HTT: variants seen among roughly 807,000 people sequenced by gnomAD.
The protein encoded by HTT is huntingtin.
Under a neutral mutation model 362.3 loss-of-function variants are expected in HTT, and 104 were observed. That is an observed-to-expected ratio of 0.29 (90% CI 0.24 to 0.34). HTT has a LOEUF of 0.34. HTT is among the 10% of genes least tolerant of loss of function. The probability of loss-of-function intolerance (pLI) is 1.00; values close to 1 mark genes in which losing one functional copy is unlikely to be tolerated. For synonymous variants in HTT, 1,577 were observed against 1,548.7 expected, an observed-to-expected ratio of 1.02 and a Z score of -0.43; for missense variants, 3,301 against 3,928.6, an observed-to-expected ratio of 0.84 and a Z score of 4.27.
intron 2 of HTT, among the ~76,000 whole-genome samples, chr4:3,088,275 C>T (rs1713317019): frequency 6.6e-6 from 1 of 151,800 alleles, no homozygotes; most frequent in Non-Finnish European, 1.5e-5. Context: ...CAAGCTCTGC[C>T]TCCCAGGTTC....
At chr4:3,175,260 A>G (rs918961421) in intron 33 of HTT, among the ~76,000 whole-genome samples, 153 bp downstream of exon 33, 1 of 152,192 alleles carries the variant, frequency 6.6e-6, no homozygotes, top group Non-Finnish European at 1.5e-5. Context: ...TAGCTGGTGC[A>G]GAAGGCCTGG....
At position 3,186,705 on chromosome 4, in the gene HTT, A is replaced by T; in HGVS notation, c.4975A>T (p.Thr1659Ser). The T allele has an allele frequency of 1.2e-6, 2 of 1,613,598 alleles. No individual in the cohort carries two copies. Among genetic ancestry groups the T allele is most frequent in the Non-Finnish European group, 1.7e-6 (2 of 1,179,718 alleles). ...VDMLLRSMFV[T>S]PNTMASVSTV... is the part of the protein sequence containing the mutation. ...CATGCTTTTACGGAGTATGTTCGTC[A>T]CTCCAAACACAATGGTGAGTCTCTC... Residue 1659 changes from threonine (T) to serine (S), a missense_variant, in exon 38 of 67, where the codon ACT becomes TCT. By Grantham distance (58) the Thr-to-Ser change is moderately conservative. Coordinates refer to ENST00000355072, the MANE Select transcript of HTT (RefSeq NM_001388492.1).
intron 64 of HTT, among the ~76,000 whole-genome samples, chr4:3,237,354 G>A (rs1721587894): frequency 6.6e-6 from 1 of 152,188 alleles, no homozygotes; most frequent in Admixed American, 6.5e-5. Context: ...GATTGCAGGC[G>A]TGAGCCACTG....
chr4:3,194,905 G>A (rs1392227443), intron 40 of HTT, among the ~76,000 whole-genome samples: 1 of 152,192 alleles, frequency 6.6e-6, no homozygotes, highest in East Asian at 1.9e-4. Context: ...GGGAGCAATG[G>A]AATTTTCTCA....
At chr4:3,082,247 T>G (rs938984855) in intron 1 of HTT, among the ~76,000 whole-genome samples, 3 of 152,236 alleles carry the variant, frequency 2.0e-5, no homozygotes, top group Non-Finnish European at 4.4e-5. Context: ...GGCAAAGGTC[T>G]CACATTTTTG....
At chr4:3,172,218 C>T (rs1170598365) in intron 29 of HTT, 102 bp from the exon 30 acceptor site, 1 of 770,730 alleles carries the variant, frequency 1.3e-6, no homozygotes, top group East Asian at 2.5e-5. Flanking sequence ...ACTATTTACA[C>T]AATTTAAATG....
intron 1 of HTT, among the ~76,000 whole-genome samples, chr4:3,075,647 C>CGGGGGGGGGGTGGGGGGG (rs1560535774): frequency 1.6e-5 from 1 of 61,682 alleles, no homozygotes; most frequent in African/African-American, 9.1e-5. Context: ...AGTGGCGGGG[C>CGGGGGGGGGGTGGGGGGG]AGGGGGGGGG....
intron 26 of HTT, among the ~76,000 whole-genome samples, chr4:3,152,680 A>T (rs1344954987): frequency 6.6e-6 from 1 of 151,602 alleles, no homozygotes; most frequent in Non-Finnish European, 1.5e-5. Flanking sequence ...CAGGGTTTTC[A>T]GTGTAGCAGC....
Position 3,212,675 on chromosome 4 carries a change from A to G in HTT, c.6740A>G (p.Lys2247Arg). 6.2e-7 allele frequency: 1 copy of G among 1,614,224 alleles called. No homozygotes were observed. Among genetic ancestry groups the G allele is most frequent in the Non-Finnish European group, 8.5e-7 (1 of 1,180,036 alleles). Residue 2247 changes from lysine (K) to arginine (R), a missense_variant, in exon 49 of 67, where the codon AAG becomes AGG. Lys to Arg is a conservative substitution (Grantham distance 26, BLOSUM62 2). Around this residue, in one of 4 missense-constraint regions of HTT, gnomAD observed 220 missense variants for 218.5 expected, o/e 1.01. Transcript: ENST00000355072. ...SHLHLPPEKE[K>R]DIVKFVVATL... ...TTGCACCTTCCTCCTGAGAAAGAGAAGGACATTGTGAAATTCGTGGTGGCA... is the reference window on the plus strand; with the variant it reads ...TTGCACCTTCCTCCTGAGAAAGAGAGGGACATTGTGAAATTCGTGGTGGCA...
intron 40 of HTT, among the ~76,000 whole-genome samples, chr4:3,197,511 C>T (rs1479902177): frequency 6.6e-6 from 1 of 152,090 alleles, no homozygotes; most frequent in African/African-American, 2.4e-5. Context: ...CCTCAGAGTC[C>T]GTCTCATCTT....
intron 2 of HTT, among the ~76,000 whole-genome samples, chr4:3,087,404 G>T (rs950019466): frequency 6.6e-6 from 1 of 152,176 alleles, no homozygotes; most frequent in Non-Finnish European, 1.5e-5. Flanking sequence ...TTTCTTGGCA[G>T]TTTGCTGTCC....
chr4:3,121,460 C>A (rs773130618), intron 9 of HTT, 28 bp downstream of exon 9: 6 of 1,518,542 alleles, frequency 4.0e-6, no homozygotes, highest in Admixed American at 3.4e-5. Context: ...TCTACTCTTA[C>A]AATTAACTTT....
chr4:3,162,169 T>G (rs146591113), intron 29 of HTT, among the ~76,000 whole-genome samples: 1,631 of 152,362 alleles, frequency 0.011, 34 homozygotes, highest in African/African-American at 0.038. Context: ...ACACCATTTA[T>G]TAAATAGGGA....
Position 3,225,650 on chromosome 4 carries a change from G to C in HTT, c.7766-11G>C. ...TGTGCAGATCAAGACTCAGGGTGCT[G>C]GTGTTCACAGGTGCCCTCATCAGCC... On this transcript the variant is annotated splice_polypyrimidine_tract_variant and intron_variant, in intron 56 of 66. Transcript: ENST00000355072. The C allele has an allele frequency of 6.2e-7, 1 of 1,613,024 alleles. No individual in the cohort carries two copies.
chr4:3,182,563 G>T, intron 37 of HTT, 93 bp downstream of exon 37: 1 of 759,042 alleles, frequency 1.3e-6, no homozygotes, highest in South Asian at 1.5e-5. Flanking sequence ...TCTTCCTTCA[G>T]TCCTAATCTG....
chr4:3,077,295 G>A (rs1242418421), intron 1 of HTT, among the ~76,000 whole-genome samples: 2 of 152,030 alleles, frequency 1.3e-5, no homozygotes, highest in Non-Finnish European at 2.9e-5. Flanking sequence ...TTTCCTCTGA[G>A]TACCTAACTT....
At chr4:3,195,615 G>C (rs982101272) in intron 40 of HTT, among the ~76,000 whole-genome samples, 5 of 151,986 alleles carry the variant, frequency 3.3e-5, no homozygotes, top group South Asian at 2.1e-4. Flanking sequence ...TCTCAGCCAC[G>C]TTCTCAGTGC....
chr4:3,120,168 T>C (rs61583241), intron 8 of HTT, among the ~76,000 whole-genome samples: 10,465 of 152,138 alleles, frequency 0.069, 488 homozygotes, highest in African/African-American at 0.14. Flanking sequence ...AACATGTATT[T>C]TATAATATTA....
chr4:3,145,372 G>C (rs2110203022), intron 24 of HTT, 144 bp downstream of exon 24: 3 of 647,542 alleles, frequency 4.6e-6, no homozygotes, highest in East Asian at 2.7e-5. Context: ...ACTTGTTTCT[G>C]CTATATTAGC....
Sources: allele counts gnomAD v4.1 joint callset (sites outside exome capture counted in the v4.1 genomes callset), GRCh38; gene constraint gnomAD v4.1.1; regional missense constraint gnomAD v4.1.1; transcripts MANE v1.5; gene names NCBI Gene and HGNC (gene_info 2026-07-23, HGNC 2026-07-21).